P2RX3: variants seen among roughly 807,000 people sequenced by gnomAD.
The protein encoded by P2RX3 is P2X purinoceptor 3.
In P2RX3, 41 loss-of-function variants were observed where a neutral mutation model predicts 51.5. The observed-to-expected ratio is 0.80, with a 90% confidence interval of 0.62 to 1.03. The LOEUF (loss-of-function observed/expected upper bound fraction) is 1.03. P2RX3 is among the 50% of genes least tolerant of loss of function. The pLI is 0.00. For synonymous variants in P2RX3, 185 were observed against 191.6 expected (o/e 0.97, Z 0.29); for missense variants, 459 against 522.1 (o/e 0.88, Z 1.18).
At position 57,370,392 on chromosome 11, in the gene P2RX3, T is replaced by C. The variant is rs1856867133; in HGVS notation, c.*395T>C. The stretch of plus-strand genomic sequence containing the variant: ...ATGAGGTAGATATTAGTTTCCCTTG[T>C]TTTGAAGATAAACCAAGGCTCAGAG... On this transcript the variant is annotated 3_prime_UTR_variant, in exon 12 of 12. Coordinates refer to ENST00000263314, the MANE Select transcript of P2RX3 (RefSeq NM_002559.5). 6.1e-6 allele frequency: 1 copy of C among 162,962 alleles called. No individual in the cohort carries two copies. Among genetic ancestry groups the C allele is most frequent in the Non-Finnish European group, 1.3e-5 (1 of 75,058 alleles). The allele number at this position is 162,962 out of a possible 1,614,324, so 10.1% of individuals were successfully genotyped here.
intron 7 of P2RX3, 71 bp from the exon 8 acceptor site, chr11:57,350,691 C>A: frequency 6.3e-7 from 1 of 1,584,026 alleles, no homozygotes; most frequent in Non-Finnish European, 8.6e-7. Context: ...ACCTCCACCC[C>A]ACCCCCACCC....
intron 8 of P2RX3, among the ~76,000 whole-genome samples, chr11:57,361,040 G>GAGA (rs1565071104): frequency 6.6e-6 from 1 of 152,134 alleles, no homozygotes; most frequent in African/African-American, 2.4e-5. Context: ...CCAAGGTGAA[G>GAGA]TCACTAAACA....
intron 8 of P2RX3, among the ~76,000 whole-genome samples, chr11:57,355,064 A>T (rs1182004220): frequency 1.3e-5 from 2 of 152,234 alleles, no homozygotes; most frequent in African/African-American, 4.8e-5. Flanking sequence ...CCCCACCAGA[A>T]GCCAGAGCTG....
intron 8 of P2RX3, among the ~76,000 whole-genome samples, chr11:57,357,132 C>T (rs1314100299): frequency 6.6e-6 from 1 of 152,084 alleles, no homozygotes; most frequent in Non-Finnish European, 1.5e-5. Flanking sequence ...TCCTGGCCAA[C>T]ATAATGAAAC....
At chr11:57,360,811 A>AAAAG (rs1378516144) in intron 8 of P2RX3, among the ~76,000 whole-genome samples, 1 of 150,690 alleles carries the variant, frequency 6.6e-6, no homozygotes, top group African/African-American at 2.4e-5. Context: ...AAAAAAGAAA[A>AAAAG]AAAGAAAGAA....
chr11:57,349,712 C>A, intron 6 of P2RX3, 45 bp from the exon 7 acceptor site: 1 of 1,612,086 alleles, frequency 6.2e-7, no homozygotes, highest in Non-Finnish European at 8.5e-7. Context: ...ACAAGACGAT[C>A]TTCCCATGAA....
chr11:57,351,102 G>T (rs1190765945), intron 8 of P2RX3, among the ~76,000 whole-genome samples: 5 of 152,178 alleles, frequency 3.3e-5, no homozygotes, highest in Admixed American at 6.5e-5. Context: ...CCTTATCACT[G>T]AAGGGGACCA....
In P2RX3 at chr11:57,348,387, G is replaced by T. The variant is rs114708056; in HGVS notation, c.485+124G>T. ...GCTTTCTCCAGTGTTGTCCCTTCCT[G>T]GTGTGGGGGGTGGCCTCAGGCCCAG... is the stretch of plus-strand genomic sequence containing the variant. On this transcript the variant is annotated intron_variant, in intron 5 of 11. Coordinates refer to ENST00000263314, the MANE Select transcript of P2RX3 (RefSeq NM_002559.5). The T allele has an allele frequency of 2.8e-3, 2,691 of 952,086 alleles. 50 individuals carry two copies. In the African/African-American group the frequency reaches 0.04, roughly 14 times the overall value. The allele number at this position is 952,086 out of a possible 1,614,324, so 59.0% of individuals were successfully genotyped here. A position where few individuals can be genotyped will look rare whatever the true frequency, so the allele number is the denominator to read the frequency against.
intron 8 of P2RX3, among the ~76,000 whole-genome samples, chr11:57,366,191 C>T (rs1397309494): frequency 6.6e-6 from 1 of 152,128 alleles, no homozygotes; most frequent in Admixed American, 6.5e-5. Flanking sequence ...GAGTTTGGCC[C>T]GTGATGAGCA....
rs1012883669 is a variant in P2RX3, at chr11:57,362,661, C to T, written c.843-5348C>T. Reference sequence around the variant, plus strand: ...AGAATGCTGGCTAAGAGTGTGGGTCCGACAGCTGGACTGCCTGGGTTCGAA... The same window carrying T: ...AGAATGCTGGCTAAGAGTGTGGGTCTGACAGCTGGACTGCCTGGGTTCGAA... On this transcript the variant is annotated intron_variant, in intron 8 of 11. Transcript: ENST00000263314. 3.9e-5 allele frequency among the ~76,000 whole-genome samples: 6 copies of T among 152,204 alleles called. No homozygotes were observed. In the East Asian group the frequency reaches 5.8e-4, roughly 15 times the overall value.
At chr11:57,346,352 G>A (rs942946020) in intron 1 of P2RX3, among the ~76,000 whole-genome samples, 192 bp from the exon 2 acceptor site, 3 of 152,242 alleles carry the variant, frequency 2.0e-5, no homozygotes, top group Non-Finnish European at 2.9e-5. Context: ...GGGCAGTAAT[G>A]GGACAAAAGG....
intron 8 of P2RX3, among the ~76,000 whole-genome samples, chr11:57,353,072 C>G (rs1856572375): frequency 6.6e-6 from 1 of 152,220 alleles, no homozygotes; most frequent in African/African-American, 2.4e-5. Context: ...CCTCATGCAA[C>G]CTCAAACTAC....
intron 8 of P2RX3, among the ~76,000 whole-genome samples, chr11:57,354,286 G>A (rs1399195179): frequency 1.3e-5 from 2 of 152,192 alleles, no homozygotes; most frequent in Non-Finnish European, 2.9e-5. Context: ...AAATTTAGTG[G>A]AGACATTTTA....
At chr11:57,359,817 G>T (rs1856687687) in intron 8 of P2RX3, among the ~76,000 whole-genome samples, 1 of 152,206 alleles carries the variant, frequency 6.6e-6, no homozygotes, top group South Asian at 2.1e-4. Flanking sequence ...TATGGAGCAT[G>T]TCTGTGCCTT....
At position 57,369,389 on chromosome 11, in the gene P2RX3, T is replaced by C; in HGVS notation, c.1031T>C (p.Leu344Pro). 4 of 1,610,620 alleles carry C rather than the reference T, an allele frequency of 2.5e-6. No homozygotes were observed. Among genetic ancestry groups the C allele is most frequent in the Non-Finnish European group, 3.4e-6 (4 of 1,178,648 alleles). Residue 344 changes from leucine (L) to proline (P), a missense_variant, in exon 11 of 12, where the codon CTC becomes CCC. By Grantham distance (98) the Leu-to-Pro change is moderately conservative. Coordinates refer to ENST00000263314, the MANE Select transcript of P2RX3 (RefSeq NM_002559.5). ...ACTGTTCTCTGTGACATCATCCTGC[T>C]CAACTTCCTCAAGGGGGCCGACCAG... is the stretch of plus-strand genomic sequence containing the variant. ...VGTVLCDIILLNFLKGADQYK... is the reference protein window; with the variant it reads ...VGTVLCDIILPNFLKGADQYK...
chr11:57,347,173 G>A lies in P2RX3; in HGVS notation c.313G>A (p.Gly105Arg). The A allele has an allele frequency of 1.2e-6, 2 of 1,613,582 alleles. No individual in the cohort carries two copies. Among genetic ancestry groups the A allele is most frequent in the East Asian group, 2.2e-5 (1 of 44,886 alleles). Residue 105 changes from glycine to arginine, a missense_variant, in exon 3 of 12, where the codon GGA (glycine) becomes AGA (arginine). Transcript: ENST00000263314. Reference protein sequence around the residue: ...KMIVTENQMQGFCPESEEKYR... With the variant: ...KMIVTENQMQRFCPESEEKYR... ...GATTGTTACTGAAAATCAGATGCAA[G>A]GATTCTGCCCAGAGGTGAGGGGAGG...
intron 11 of P2RX3, 66 bp downstream of exon 11, chr11:57,369,504 T>C: frequency 6.9e-7 from 1 of 1,455,718 alleles, no homozygotes; most frequent in Admixed American, 2.1e-5. Context: ...GGGCAGGGAC[T>C]CTCAGTGGCT....
chr11:57,359,502 T>G (rs1042567023), intron 8 of P2RX3, among the ~76,000 whole-genome samples: 1 of 152,212 alleles, frequency 6.6e-6, no homozygotes, highest in Non-Finnish European at 1.5e-5. Flanking sequence ...CCCCCGACCC[T>G]GAAAACTCTG....
chr11:57,347,146 A>G lies in P2RX3; in HGVS notation c.286A>G (p.Met96Val), dbSNP rs1856451580. 1 of 1,613,758 alleles carries G rather than the reference A, an allele frequency of 6.2e-7. No individual in the cohort carries two copies. ...CTCGGTCTTTGTCATCATCACCAAG[A>G]TGATTGTTACTGAAAATCAGATGCA... is the stretch of plus-strand genomic sequence containing the variant. ...GTSVFVIITK[M>V]IVTENQMQGF... The change falls in exon 3 of 12, where the codon ATG (methionine) becomes GTG (valine). Residue 96 changes from methionine (M) to valine (V), a missense_variant. By Grantham distance (21) the Met-to-Val change is conservative. Transcript: ENST00000263314.
Sources: gnomAD v4.1 joint callset for allele counts (sites outside exome capture counted in the v4.1 genomes callset) on GRCh38, gnomAD v4.1.1 for gene constraint, MANE v1.5 for transcripts, NCBI Gene and HGNC (gene_info 2026-07-23, HGNC 2026-07-21) for gene names.